The following ZNF75D variants were observed in gnomAD, a reference collection of about 807,000 sequenced individuals.
ZNF75D encodes the protein zinc finger protein 75D, also known as zinc finger protein 75.
Under a neutral mutation model 33.3 loss-of-function variants are expected in ZNF75D, and 33 were observed. That is an observed-to-expected ratio of 0.99 (90% confidence interval 0.75 to 1.32). ZNF75D has a LOEUF of 1.32. Ranked by LOEUF, ZNF75D falls within the 40% of genes most tolerant of loss-of-function variation. The pLI is 0.00. For synonymous variants in ZNF75D, 113 were observed against 130.6 expected (o/e 0.87, Z 0.92); for missense variants, 338 against 367.5 (o/e 0.92, Z 0.66).
At chrX:135,261,240 G>A (rs1467198303) in intron 1 of ZNF75D, among the ~76,000 whole-genome samples, 3 of 112,451 alleles carry the variant, frequency 2.7e-5, no homozygotes, top group Non-Finnish European at 5.6e-5. Flanking sequence ...TTTAGAGTAA[G>A]TGTGATGTGG....
intron 1 of ZNF75D, among the ~76,000 whole-genome samples, chrX:135,273,231 T>C (rs2083889126): frequency 9.0e-6 from 1 of 111,493 alleles, no homozygotes; most frequent in Admixed American, 9.5e-5. Flanking sequence ...CGCCTAAACA[T>C]GGAGGCAACT....
rs5978118 is a variant in ZNF75D, at chrX:135,286,187, G to A, written c.*950C>T. The A allele has an allele frequency of 3.6e-5, 4 of 111,725 alleles. No homozygotes were observed. Among genetic ancestry groups the A allele is most frequent in the East Asian group, 2.8e-4 (1 of 3,566 alleles). 9.2% of individuals were successfully genotyped at this position (111,725 alleles called of 1,213,427 possible). On this transcript the variant is annotated 3_prime_UTR_variant, in exon 7 of 7. Coordinates refer to ENST00000370766, the MANE Select transcript of ZNF75D (RefSeq NM_007131.5). ...TCTCCTTGCCATTCTCAATAAATCA[G>A]TTTTGCAAAATCTCCAGGCCTTCTT...
In ZNF75D at chrX:135,291,657, G is replaced by A. The variant is rs2084042615; in HGVS notation, c.605-94C>T. The A allele has an allele frequency of 4.5e-6, 5 of 1,110,018 alleles. No homozygotes were observed. In the African/African-American group the frequency reaches 7.3e-5, roughly 16 times the overall value. 91.5% of individuals were successfully genotyped at this position (1,110,018 alleles called of 1,213,427 possible). ...AATAAAGAACATCAGGATGCCTTCA[G>A]TAAAGATGGGTCACATTGACAAGTG... On this transcript the variant is annotated intron_variant, in intron 4 of 6. Coordinates refer to ENST00000370766, the MANE Select transcript of ZNF75D (RefSeq NM_007131.5).
chrX:135,320,962 T>G (rs2084488039), intron 1 of ZNF75D, among the ~76,000 whole-genome samples: 2 of 111,689 alleles, frequency 1.8e-5, no homozygotes, highest in Non-Finnish European at 3.8e-5. Flanking sequence ...TAGTCCATTT[T>G]GTGCTGCTAT....
chrX:135,316,595 CT>C (rs1556431842), intron 1 of ZNF75D, among the ~76,000 whole-genome samples: 3 of 111,535 alleles, frequency 2.7e-5, no homozygotes. Flanking sequence ...TTTTCAAAAT[CT>C]TTTGTTCTCT....
rs993517608 is a variant in ZNF75D, at chrX:135,285,853, C to T, written c.*1284G>A. 16 of 112,090 alleles carry T rather than the reference C, an allele frequency of 1.4e-4. No individual in the cohort carries two copies. The highest frequency in any genetic ancestry group is 4.5e-4 in the African/African-American group (14 of 30,865). 9.2% of individuals were successfully genotyped at this position (112,090 alleles called of 1,213,427 possible). On this transcript the variant is annotated 3_prime_UTR_variant, in exon 7 of 7. Coordinates refer to ENST00000370766, the MANE Select transcript of ZNF75D (RefSeq NM_007131.5). ...AAGATAAAATGTGTCATTTTCATTA[C>T]GAAGTACAATTTTATGGAATACTAA... is the stretch of plus-strand genomic sequence containing the variant.
intron 3 of ZNF75D, among the ~76,000 whole-genome samples, chrX:135,249,636 G>A (rs1318493849): frequency 4.9e-5 from 5 of 102,149 alleles, no homozygotes; most frequent in Non-Finnish European, 8.0e-5. Context: ...AATTTCATCC[G>A]ATCTTCCAGT....
At chrX:135,277,004 C>A (rs2083901526) in intron 1 of ZNF75D, among the ~76,000 whole-genome samples, 1 of 111,955 alleles carries the variant, frequency 8.9e-6, no homozygotes, top group Non-Finnish European at 1.9e-5. Context: ...CAGGTATATA[C>A]CCAGTAATGC....
intron 1 of ZNF75D, among the ~76,000 whole-genome samples, chrX:135,304,262 G>A (rs1304804432): frequency 9.0e-6 from 1 of 111,494 alleles, no homozygotes; most frequent in Admixed American, 9.5e-5. Context: ...TATGGGGACA[G>A]TGTGCTGAGC....
In ZNF75D at chrX:135,343,417, C is replaced by CTT. The variant is rs1556445956; in HGVS notation, c.-2041_-2040insAA. The CTT allele has an allele frequency of 2.1e-3, 295 of 141,546 alleles. 5 individuals carry two copies. Among genetic ancestry groups the CTT allele is most frequent in the African/African-American group, 9.0e-3 (290 of 32,066 alleles). 11.7% of individuals were successfully genotyped at this position (141,546 alleles called of 1,213,427 possible). ...GGAACTCCTCCAACACCAGCAACTC[C>CTT]AGAATCTGCTCCATGGAGCGCATCT... On this transcript the variant is annotated 5_prime_UTR_variant, in exon 1 of 7. The change creates a premature stop within an existing upstream ORF in the 5' untranslated region. Transcript: ENST00000370766.
intron 1 of ZNF75D, among the ~76,000 whole-genome samples, chrX:135,320,292 C>CAA (rs782354392): frequency 2.9e-5 from 2 of 69,997 alleles, no homozygotes; most frequent in Middle Eastern, 0.01. Context: ...GACTCCATCT[C>CAA]AAAAAAAAAA....
rs2084120070 is a variant in ZNF75D at position 135,295,789 on chromosome X, CCGGA to C, written c.-144_-141del. On this transcript the variant is annotated 5_prime_UTR_variant, in exon 2 of 7. Transcript: ENST00000370766. ...TTACCTTCAGTCAGCTCTGGCTTCC[CCGGA>C]GGCCACTTTCCTCTTCCTCGGCTCG... 1 of 112,234 alleles carries C rather than the reference CCGGA, an allele frequency of 8.9e-6. No individual in the cohort carries two copies. Among genetic ancestry groups the C allele is most frequent in the South Asian group, 3.8e-4 (1 of 2,658 alleles). 9.2% of individuals were successfully genotyped at this position (112,234 alleles called of 1,213,427 possible).
At chrX:135,293,507 A>G (rs947702355) in intron 3 of ZNF75D, among the ~76,000 whole-genome samples, 7 of 112,043 alleles carry the variant, frequency 6.2e-5, no homozygotes, top group Admixed American at 1.9e-4. Context: ...GCCCTAGAGA[A>G]GACAAAATGC....
intron 1 of ZNF75D, among the ~76,000 whole-genome samples, chrX:135,306,158 T>G (rs1410685090): frequency 2.7e-5 from 3 of 110,184 alleles, no homozygotes; most frequent in Non-Finnish European, 5.7e-5. Context: ...GGGTCTTAAG[T>G]ATTTGTTTGC....
At chrX:135,267,911 CTCA>C (rs1347969298) in intron 1 of ZNF75D, among the ~76,000 whole-genome samples, 3 of 109,586 alleles carry the variant, frequency 2.7e-5, no homozygotes, top group Non-Finnish European at 3.8e-5. Flanking sequence ...AAAAAGATCA[CTCA>C]TCATGAACAA....
At chrX:135,291,294 C>T (rs1437707388) in intron 5 of ZNF75D, 159 bp from the exon 6 acceptor site, 1 of 800,946 alleles carries the variant, frequency 1.2e-6, no homozygotes. Flanking sequence ...CAAAGAGGAT[C>T]AGTAAATCAC....
intron 1 of ZNF75D, among the ~76,000 whole-genome samples, chrX:135,309,924 A>T (rs2084339230): frequency 9.0e-6 from 1 of 111,599 alleles, no homozygotes; most frequent in African/African-American, 3.3e-5. Context: ...GAGTGAGATC[A>T]TGCTGCACAC....
At chrX:135,282,967 T>C (rs2083926200), downstream of ZNF75D, among the ~76,000 whole-genome samples, 1 of 104,551 alleles carries the variant, frequency 9.6e-6, no homozygotes, top group African/African-American at 3.5e-5. Flanking sequence ...CATACATTTA[T>C]GGTCAACTAA....
At chrX:135,269,807 G>A (rs145060994) in intron 1 of ZNF75D, among the ~76,000 whole-genome samples, 9 of 111,648 alleles carry the variant, frequency 8.1e-5, no homozygotes, top group East Asian at 2.8e-4. Flanking sequence ...GTTTATTGCC[G>A]CACTGGTCAC....
Sources: gnomAD v4.1 joint callset for allele counts (sites outside exome capture counted in the v4.1 genomes callset) on GRCh38, gnomAD v4.1.1 for gene constraint, MANE v1.5 for transcripts, NCBI Gene and HGNC (gene_info 2026-07-23, HGNC 2026-07-21) for gene names.